Variants in FRS2 observed in about 807,000 individuals in gnomAD.
FRS2 encodes FGFR signalling adaptor.
Under a neutral mutation model 43.9 loss-of-function variants are expected in FRS2, and 8 were observed. That is an observed-to-expected ratio of 0.18 (90% CI 0.11 to 0.33). The LOEUF is 0.33. Among genes scored for constraint, FRS2 ranks in the 10% least tolerant of loss-of-function variants. The probability of loss-of-function intolerance (pLI) is 1.00; values close to 1 mark genes in which losing one functional copy is unlikely to be tolerated. For missense variants in FRS2, 534 were observed against 627.6 expected (o/e 0.85, Z 1.59); for synonymous variants, 219 against 220.3 (o/e 0.99, Z 0.05).
At chr12:69,508,206 A>G (rs1488672251) in intron 1 of FRS2, among the ~76,000 whole-genome samples, 1 of 152,068 alleles carries the variant, frequency 6.6e-6, no homozygotes, top group Non-Finnish European at 1.5e-5. Context: ...CAACTCTACT[A>G]TTGCTGGTGT....
intron 3 of FRS2, among the ~76,000 whole-genome samples, chr12:69,538,223 A>ATATGTATATATATATATATATATATG (rs1194377826): frequency 2.0e-5 from 2 of 100,196 alleles, no homozygotes; most frequent in African/African-American, 8.8e-5. Context: ...ATATATATAT[A>ATATGTATATATATATATATATATATG]GCATTGCAGA....
intron 1 of FRS2, among the ~76,000 whole-genome samples, chr12:69,509,459 T>G (rs569667472): frequency 1.8e-4 from 27 of 152,320 alleles, no homozygotes; most frequent in Admixed American, 2.6e-4. Flanking sequence ...ATAACAAAAT[T>G]TACGGCTACA....
intron 1 of FRS2, among the ~76,000 whole-genome samples, chr12:69,524,020 C>T (rs1055073965): frequency 1.3e-5 from 2 of 152,190 alleles, no homozygotes; most frequent in African/African-American, 2.4e-5. Context: ...TAGCCAGCGC[C>T]GGGGTGCCAG....
rs898864614 is a variant in FRS2, at chr12:69,504,047, C to G, written c.-260-26818C>G. Among the ~76,000 whole-genome samples, 6 of 152,222 alleles carry G rather than the reference C, an allele frequency of 3.9e-5. No individual in the cohort carries two copies. In the East Asian group the frequency reaches 1.2e-3, roughly 29 times the overall value. ...GGTGAAACCCCGTCTCTACTAAAAA[C>G]ACAGAATGTTTATTGCATGCCTATG... is the stretch of plus-strand genomic sequence containing the variant. On this transcript the variant is annotated intron_variant, in intron 1 of 8. Transcript: ENST00000549921.
intron 1 of FRS2, among the ~76,000 whole-genome samples, chr12:69,485,864 G>A (rs1871890616): frequency 6.6e-6 from 1 of 152,148 alleles, no homozygotes; most frequent in African/African-American, 2.4e-5. Flanking sequence ...TTTTGAGATA[G>A]CTATGTATTA....
At chr12:69,546,092 C>T (rs532111118) in intron 3 of FRS2, among the ~76,000 whole-genome samples, 2 of 152,170 alleles carry the variant, frequency 1.3e-5, no homozygotes, top group South Asian at 4.1e-4. Flanking sequence ...TTCTGAAACT[C>T]AAAACCAAAA....
At chr12:69,480,242 C>T (rs531197776) in intron 1 of FRS2, 3 of 152,282 alleles carry the variant, frequency 2.0e-5, no homozygotes, top group South Asian at 4.1e-4. Flanking sequence ...TTTTCATCAT[C>T]GTGAACCAAA....
chr12:69,568,687 A>T (rs981793807), intron 4 of FRS2, among the ~76,000 whole-genome samples: 4 of 151,230 alleles, frequency 2.6e-5, no homozygotes, highest in South Asian at 2.1e-4. Context: ...ACAAAAATTA[A>T]TTATTTAGGT....
chr12:69,534,087 T>C (rs1877056588), intron 3 of FRS2, among the ~76,000 whole-genome samples: 1 of 152,210 alleles, frequency 6.6e-6, no homozygotes, highest in Non-Finnish European at 1.5e-5. Flanking sequence ...CTTGGAGTTA[T>C]GGGTCTTTGA....
At chr12:69,485,328 G>A (rs904758723) in intron 1 of FRS2, among the ~76,000 whole-genome samples, 1 of 149,828 alleles carries the variant, frequency 6.7e-6, no homozygotes, top group Non-Finnish European at 1.5e-5. Context: ...GACTACAGGC[G>A]CCCGACACCA....
chr12:69,493,852 A>G (rs957298981), intron 1 of FRS2, among the ~76,000 whole-genome samples: 1 of 152,218 alleles, frequency 6.6e-6, no homozygotes, highest in Middle Eastern at 3.2e-3. Flanking sequence ...CTGCATATAC[A>G]TAGGATTTAA....
At position 69,574,272 on chromosome 12, in the gene FRS2, A is replaced by T. The variant is rs745369949; in HGVS notation, c.844A>T (p.Asn282Tyr). 2.5e-6 allele frequency: 4 copies of T among 1,614,110 alleles called. No homozygotes were observed. The African/African-American group carries it at 5.3e-5, about 22-fold the overall frequency. Residue 282 changes from asparagine (N) to tyrosine (Y), a missense_variant, in exon 9 of 9, where the codon AAT becomes TAT. Asn to Tyr is a moderately radical substitution (Grantham distance 143). Coordinates refer to ENST00000549921, the MANE Select transcript of FRS2 (RefSeq NM_001278356.2). ...GRDQVSGSGA[N>Y]NTEWDTGYDS... ...AGATCAAGTTAGTGGAAGTGGAGCA[A>T]ATAACACAGAATGGGACACTGGCTA...
chr12:69,567,059 C>G lies in FRS2; in HGVS notation c.-26-1946C>G, dbSNP rs137871533. On this transcript the variant is annotated intron_variant, in intron 4 of 8. Transcript: ENST00000549921. ...TTAAATCCCAGCTCAATTAGTGCTT[C>G]CTGTCCTGCCTAACCCAGAAAGTTA... is the stretch of plus-strand genomic sequence containing the variant. 1.4e-3 allele frequency among the ~76,000 whole-genome samples: 210 copies of G among 152,314 alleles called. 1 individual carries two copies. Among genetic ancestry groups the G allele is most frequent in the African/African-American group, 5.0e-3 (207 of 41,570 alleles).
chr12:69,529,098 G>A (rs1051750489), intron 1 of FRS2, among the ~76,000 whole-genome samples: 1 of 152,156 alleles, frequency 6.6e-6, no homozygotes, highest in African/African-American at 2.4e-5. Context: ...TGGAGAATTC[G>A]ATTAGAAGAA....
At chr12:69,533,716 T>A (rs1877020086) in intron 3 of FRS2, among the ~76,000 whole-genome samples, 2 of 152,168 alleles carry the variant, frequency 1.3e-5, no homozygotes, top group Non-Finnish European at 2.9e-5. Context: ...GGTGGGAAAT[T>A]AGAATTTCAT....
intron 3 of FRS2, among the ~76,000 whole-genome samples, chr12:69,553,697 G>A (rs1332042018): frequency 1.3e-5 from 2 of 152,184 alleles, no homozygotes; most frequent in Non-Finnish European, 2.9e-5. Context: ...TACCCATGTT[G>A]CTAGATGGCA....
chr12:69,572,345 A>G, intron 8 of FRS2, 64 bp downstream of exon 8: 1 of 1,227,630 alleles, frequency 8.1e-7, no homozygotes, highest in South Asian at 1.4e-5. Flanking sequence ...CACTGTGCTA[A>G]TACTGGAAGA....
rs1054297683 is a variant in FRS2 at position 69,481,053 on chromosome 12, C to G, written c.-261+10523C>G. ...CGTTTTATTTTGAAATAATTTCAAACTTACAGGAAAGTTGCAAGAATAGTG... is the reference window on the plus strand; with the variant it reads ...CGTTTTATTTTGAAATAATTTCAAAGTTACAGGAAAGTTGCAAGAATAGTG... On this transcript the variant is annotated intron_variant, in intron 1 of 8. Coordinates refer to ENST00000549921, the MANE Select transcript of FRS2 (RefSeq NM_001278356.2). Among the ~76,000 whole-genome samples the G allele has an allele frequency of 2.6e-5, 4 of 152,184 alleles. No homozygotes were observed. In the South Asian group the frequency reaches 8.3e-4, roughly 31 times the overall value.
intron 3 of FRS2, among the ~76,000 whole-genome samples, chr12:69,535,990 T>A (rs1877235661): frequency 6.6e-6 from 1 of 151,840 alleles, no homozygotes; most frequent in African/African-American, 2.4e-5. Flanking sequence ...AAGGGCCCTC[T>A]ATCTGAACAC....
Sources: allele counts gnomAD v4.1 joint callset (sites outside exome capture counted in the v4.1 genomes callset), GRCh38; gene constraint gnomAD v4.1.1; transcripts MANE v1.5; gene names NCBI Gene and HGNC (gene_info 2026-07-23, HGNC 2026-07-21).